Variants in LYPD6B observed in about 807,000 individuals in gnomAD.
LYPD6B encodes the protein LY6/PLAUR domain containing 6B, also known as ly6/PLAUR domain-containing protein 6B.
In LYPD6B, 17 loss-of-function variants were observed where a neutral mutation model predicts 22.8. The ratio of observed to expected loss-of-function variants is 0.75; its 90% CI spans 0.51 to 1.12. The LOEUF (loss-of-function observed/expected upper bound fraction) is 1.12, where lower values mean the gene tolerates loss of function less well. Among genes scored for constraint, LYPD6B ranks in the 50% most tolerant of loss-of-function variants. The pLI is 0.00. For missense variants in LYPD6B, 221 were observed against 258.3 expected (o/e 0.86, Z 0.99); for synonymous variants, 106 against 91.6 (o/e 1.16, Z -0.90).
chr2:149,190,730 A>G (rs1315976563), intron 3 of LYPD6B, among the ~76,000 whole-genome samples: 4 of 151,894 alleles, frequency 2.6e-5, no homozygotes, highest in Admixed American at 2.0e-4. Flanking sequence ...TTCTTTGCCA[A>G]TTTTTCTATT....
intron 2 of LYPD6B, among the ~76,000 whole-genome samples, chr2:149,134,945 T>C (rs1688265084): frequency 6.6e-6 from 1 of 152,188 alleles, no homozygotes; most frequent in Non-Finnish European, 1.5e-5. Context: ...CCATCAACTC[T>C]TTGAAGATTA....
chr2:149,175,074 T>TGTGG (rs369820973), intron 3 of LYPD6B, among the ~76,000 whole-genome samples: 75 of 148,482 alleles, frequency 5.1e-4, no homozygotes, highest in African/African-American at 1.7e-3. Flanking sequence ...TGTGTGTGTG[T>TGTGG]GTGTGTGTGT....
intron 5 of LYPD6B, 72 bp from the exon 6 acceptor site, chr2:149,212,920 A>T: frequency 1.4e-6 from 2 of 1,470,014 alleles, no homozygotes; most frequent in Non-Finnish European, 1.9e-6. Flanking sequence ...AATTGTTAAG[A>T]GATCTCTTTT....
chr2:149,126,123 A>G lies in LYPD6B; in HGVS notation c.-66-4760A>G, dbSNP rs376297229. 1.5e-4 allele frequency among the ~76,000 whole-genome samples: 23 copies of G among 152,336 alleles called. No individual in the cohort carries two copies. In the East Asian group the frequency reaches 2.9e-3, roughly 19 times the overall value. ...AAAAGAAGATAACTACTATCTTCTGACTTCAGTGTGGCTGCTGAGAAATTA... is the reference window on the plus strand; with the variant it reads ...AAAAGAAGATAACTACTATCTTCTGGCTTCAGTGTGGCTGCTGAGAAATTA... On this transcript the variant is annotated intron_variant, in intron 1 of 6. Transcript: ENST00000409642.
At chr2:149,112,999 G>A (rs150453936) in intron 1 of LYPD6B, among the ~76,000 whole-genome samples, 17 of 152,264 alleles carry the variant, frequency 1.1e-4, no homozygotes, top group African/African-American at 3.6e-4. Flanking sequence ...GGAGAAGAAG[G>A]CAGATAGAAG....
At chr2:149,163,048 G>T (rs947752017) in intron 3 of LYPD6B, among the ~76,000 whole-genome samples, 1 of 151,878 alleles carries the variant, frequency 6.6e-6, no homozygotes, top group Non-Finnish European at 1.5e-5. Context: ...GGGTCTCTGT[G>T]GGGGGTGGGG....
chr2:149,089,804 T>C (rs2105435000), intron 1 of LYPD6B, among the ~76,000 whole-genome samples: 1 of 152,348 alleles, frequency 6.6e-6, no homozygotes, highest in South Asian at 2.1e-4. Context: ...TTTCAAAATA[T>C]TTCAATGGTT....
intron 1 of LYPD6B, among the ~76,000 whole-genome samples, chr2:149,114,029 T>C (rs1476201432): frequency 2.0e-5 from 3 of 152,186 alleles, no homozygotes; most frequent in Admixed American, 6.5e-5. Context: ...TTCCTTCCTC[T>C]TTCCCTCTGA....
intron 3 of LYPD6B, among the ~76,000 whole-genome samples, chr2:149,162,770 T>C (rs191411748): frequency 6.6e-6 from 1 of 152,332 alleles, no homozygotes; most frequent in Non-Finnish European, 1.5e-5. Flanking sequence ...AGTCTCTATG[T>C]ACTTAAGTTT....
In LYPD6B at chr2:149,185,036, T is replaced by C. The variant is rs927074378; in HGVS notation, c.78-20217T>C. Among the ~76,000 whole-genome samples the C allele has an allele frequency of 5.9e-5, 9 of 152,356 alleles. No individual in the cohort carries two copies. The East Asian group carries it at 1.5e-3, about 26-fold the overall frequency. The stretch of plus-strand genomic sequence containing the variant: ...GAGCCTCTGCTCCATGTCAGGCTCA[T>C]TTCTAGGGATGAAAGATTACTCCTG... On this transcript the variant is annotated intron_variant, in intron 3 of 6. Coordinates refer to ENST00000409642, the MANE Select transcript of LYPD6B (RefSeq NM_177964.5).
At chr2:149,129,608 A>G (rs1045672603) in intron 1 of LYPD6B, among the ~76,000 whole-genome samples, 3 of 152,244 alleles carry the variant, frequency 2.0e-5, no homozygotes, top group Admixed American at 6.5e-5. Flanking sequence ...GTTGTGTACT[A>G]GCCAACTGTA....
intron 2 of LYPD6B, among the ~76,000 whole-genome samples, chr2:149,152,530 C>T (rs1437820673): frequency 6.6e-6 from 1 of 152,186 alleles, no homozygotes; most frequent in African/African-American, 2.4e-5. Flanking sequence ...TGGGAAGTTA[C>T]AGACGTAGGG....
chr2:149,211,148 C>T (rs1693827805), intron 5 of LYPD6B, among the ~76,000 whole-genome samples: 1 of 152,092 alleles, frequency 6.6e-6, no homozygotes, highest in Admixed American at 6.5e-5. Flanking sequence ...CATGAGAACT[C>T]ACTATCACAA....
chr2:149,176,135 A>C (rs1167953774), intron 3 of LYPD6B, among the ~76,000 whole-genome samples: 1 of 152,228 alleles, frequency 6.6e-6, no homozygotes, highest in Non-Finnish European at 1.5e-5. Context: ...CACCACAAAC[A>C]TGTTAGCAAT....
intron 1 of LYPD6B, among the ~76,000 whole-genome samples, chr2:149,124,453 AC>A (rs1687570879): frequency 6.6e-6 from 1 of 152,160 alleles, no homozygotes; most frequent in African/African-American, 2.4e-5. Context: ...GGGTTCTGAA[AC>A]CCGTGATGTT....
At chr2:149,107,952 C>A (rs1011702848) in intron 1 of LYPD6B, among the ~76,000 whole-genome samples, 5 of 152,246 alleles carry the variant, frequency 3.3e-5, no homozygotes, top group African/African-American at 1.2e-4. Flanking sequence ...GGGGTATTTA[C>A]ATTTCAATTA....
At chr2:149,166,031 G>C (rs1690399649) in intron 3 of LYPD6B, among the ~76,000 whole-genome samples, 1 of 152,214 alleles carries the variant, frequency 6.6e-6, no homozygotes, top group Non-Finnish European at 1.5e-5. Context: ...CCTGGGGGTA[G>C]GGGTGGAGGT....
chr2:149,115,631 G>C (rs1346226378), intron 1 of LYPD6B, among the ~76,000 whole-genome samples: 1 of 152,164 alleles, frequency 6.6e-6, no homozygotes, highest in African/African-American at 2.4e-5. Flanking sequence ...GAAATGTTTA[G>C]AGTTGGGAAT....
chr2:149,156,168 TGC>T (rs1401912701), intron 2 of LYPD6B, among the ~76,000 whole-genome samples: 17 of 152,222 alleles, frequency 1.1e-4, no homozygotes, highest in African/African-American at 1.4e-4. Context: ...TTGAGAAGGG[TGC>T]AGAATGGTGT....
Sources: allele counts gnomAD v4.1 joint callset (sites outside exome capture counted in the v4.1 genomes callset), GRCh38; gene constraint gnomAD v4.1.1; transcripts MANE v1.5; gene names NCBI Gene and HGNC (gene_info 2026-07-23, HGNC 2026-07-21).